The following BBS9 variants were observed in gnomAD, a reference collection of about 807,000 sequenced individuals.
BBS9 encodes protein PTHB1.
BBS9 carries 89 observed loss-of-function variants against 117.7 expected under a neutral mutation model. The observed-to-expected ratio is 0.76, with a 90% CI of 0.64 to 0.90. The LOEUF is 0.90. Among genes scored for constraint, BBS9 ranks in the 40% least tolerant of loss-of-function variants. The pLI, the probability that BBS9 is intolerant of heterozygous loss-of-function variation, is 0.00. For synonymous variants in BBS9, 379 were observed against 370.9 expected, an observed-to-expected ratio of 1.02 and a Z score of -0.25; for missense variants, 982 against 1,042.2, an observed-to-expected ratio of 0.94 and a Z score of 0.80.
At chr7:33,480,502 T>C (rs1842386993) in intron 19 of BBS9, among the ~76,000 whole-genome samples, 2 of 152,166 alleles carry the variant, frequency 1.3e-5, no homozygotes, top group African/African-American at 4.8e-5. Context: ...GAGTAGACAT[T>C]ATGGGCAAGA....
At chr7:33,420,982 T>G (rs1357474844) in intron 19 of BBS9, among the ~76,000 whole-genome samples, 1 of 152,152 alleles carries the variant, frequency 6.6e-6, no homozygotes, top group East Asian at 1.9e-4. Flanking sequence ...AGACACTGTT[T>G]TGTGGCATCT....
At chr7:33,191,027 A>G (rs564147264) in intron 5 of BBS9, among the ~76,000 whole-genome samples, 249 of 152,328 alleles carry the variant, frequency 1.6e-3, no homozygotes, top group African/African-American at 5.8e-3. Context: ...GGTCCCTTAC[A>G]GCAAGAGACC....
chr7:33,336,224 T>G (rs912644034), intron 9 of BBS9, among the ~76,000 whole-genome samples: 1 of 152,200 alleles, frequency 6.6e-6, no homozygotes, highest in Non-Finnish European at 1.5e-5. Context: ...TTAAGCTTTT[T>G]TCCCGGCCTT....
chr7:33,600,348 T>C (rs1412126532), intron 21 of BBS9, among the ~76,000 whole-genome samples: 1 of 152,120 alleles, frequency 6.6e-6, no homozygotes, highest in African/African-American at 2.4e-5. Context: ...TTCATTTCTG[T>C]TGCCTTTTAC....
intron 4 of BBS9, among the ~76,000 whole-genome samples, chr7:33,172,234 A>T (rs189052422): frequency 2.3e-3 from 349 of 152,226 alleles, no homozygotes; most frequent in Non-Finnish European, 3.6e-3. Flanking sequence ...ACAAAAAATT[A>T]GCTGGACATG....
At chr7:33,176,035 C>T (rs1008457914) in intron 4 of BBS9, among the ~76,000 whole-genome samples, 1 of 152,164 alleles carries the variant, frequency 6.6e-6, no homozygotes, top group Non-Finnish European at 1.5e-5. Flanking sequence ...TAAGTTGAGG[C>T]CTTCTCCATT....
At chr7:33,130,808 A>G (rs953476940) in intron 1 of BBS9, among the ~76,000 whole-genome samples, 1 of 152,132 alleles carries the variant, frequency 6.6e-6, no homozygotes, top group Non-Finnish European at 1.5e-5. Context: ...AATAAGTTAC[A>G]AGTTATTTGT....
chr7:33,452,703 G>C (rs1298161845), intron 19 of BBS9, among the ~76,000 whole-genome samples: 3 of 152,170 alleles, frequency 2.0e-5, no homozygotes, highest in Non-Finnish European at 4.4e-5. Flanking sequence ...CAGTAGAGTA[G>C]ATGTCATAAA....
At chr7:33,376,665 G>A (rs1460082300) in intron 17 of BBS9, among the ~76,000 whole-genome samples, 1 of 152,146 alleles carries the variant, frequency 6.6e-6, no homozygotes, top group Non-Finnish European at 1.5e-5. Context: ...CACCAGCAGT[G>A]TATAAGCATT....
chr7:33,283,723 A>G (rs1007626881), intron 9 of BBS9, among the ~76,000 whole-genome samples: 5 of 151,602 alleles, frequency 3.3e-5, no homozygotes, highest in East Asian at 1.9e-4. Flanking sequence ...TTTTTTTGCA[A>G]TTTCCACACA....
In BBS9 at chr7:33,541,208, A is replaced by T. The variant is rs189852173; in HGVS notation, c.2521+7032A>T. On this transcript the variant is annotated intron_variant, in intron 21 of 22. Transcript: ENST00000242067. ...AATTCCACATGCCTGAAGGAAACTC[A>T]CCTCCTTCTGTATGTCTGATCTCAG... 2.9e-3 allele frequency among the ~76,000 whole-genome samples: 436 copies of T among 150,564 alleles called. 2 individuals are homozygous for T. The highest frequency in any genetic ancestry group is 0.01 in the African/African-American group (412 of 40,804).
intron 5 of BBS9, among the ~76,000 whole-genome samples, chr7:33,179,527 C>T (rs1159528545): frequency 6.6e-6 from 1 of 151,980 alleles, no homozygotes; most frequent in African/African-American, 2.4e-5. Flanking sequence ...AGGTTGTGTG[C>T]TCTTATGCAA....
At chr7:33,462,811 C>G (rs745422207) in intron 19 of BBS9, among the ~76,000 whole-genome samples, 1 of 152,012 alleles carries the variant, frequency 6.6e-6, no homozygotes, top group Non-Finnish European at 1.5e-5. Flanking sequence ...GTTGGATGGG[C>G]AGCTCTTTTT....
At chr7:33,339,390 T>C (rs1319064593) in intron 10 of BBS9, among the ~76,000 whole-genome samples, 1 of 152,158 alleles carries the variant, frequency 6.6e-6, no homozygotes, top group Non-Finnish European at 1.5e-5. Flanking sequence ...TAGAATAAAG[T>C]TGGGCTTTAA....
intron 5 of BBS9, among the ~76,000 whole-genome samples, chr7:33,189,026 A>AT (rs1377494874): frequency 1.5e-4 from 23 of 151,922 alleles, no homozygotes; most frequent in East Asian, 5.8e-4. Flanking sequence ...ATTTTATTTT[A>AT]TTTTTTTGTT....
At chr7:33,470,632 T>G (rs780577738) in intron 19 of BBS9, among the ~76,000 whole-genome samples, 1 of 152,192 alleles carries the variant, frequency 6.6e-6, no homozygotes, top group Non-Finnish European at 1.5e-5. Flanking sequence ...ATAATAGACT[T>G]TAGAAGATGC....
At chr7:33,323,429 A>G (rs1172150283) in intron 9 of BBS9, among the ~76,000 whole-genome samples, 2 of 152,088 alleles carry the variant, frequency 1.3e-5, no homozygotes, top group African/African-American at 4.8e-5. Context: ...TTGGGTGCAT[A>G]TATATTTACA....
chr7:33,509,523 G>A (rs1044002331), intron 20 of BBS9, among the ~76,000 whole-genome samples: 1 of 152,202 alleles, frequency 6.6e-6, no homozygotes, highest in African/African-American at 2.4e-5. Flanking sequence ...TAATTTAGAT[G>A]GTTTGGTTGA....
rs137962929 is a variant in BBS9, at chr7:33,152,852, G to T, written c.263+1G>T. The T allele has an allele frequency of 6.2e-7, 1 of 1,613,742 alleles. No homozygotes were observed. The highest frequency in any genetic ancestry group is 8.5e-7 in the Non-Finnish European group (1 of 1,179,850). On this transcript the variant is annotated splice_donor_variant, in intron 3 of 22. Coordinates refer to ENST00000242067, the MANE Select transcript of BBS9 (RefSeq NM_198428.3). LOFTEE classifies it high-confidence loss of function. ...AAGTGGAAGTAGGAAAGTTTGTTTC[G>T]TAAGTAAGCCCACTAATTCTGGTAT...
Sources: gnomAD v4.1 joint callset for allele counts (sites outside exome capture counted in the v4.1 genomes callset) on GRCh38, gnomAD v4.1.1 for gene constraint, MANE v1.5 for transcripts, NCBI Gene and HGNC (gene_info 2026-07-23, HGNC 2026-07-21) for gene names.